Variants in MYH11 observed in about 807,000 individuals in gnomAD.
MYH11 encodes myosin heavy chain 11, also known as myosin-11.
A neutral mutation model predicts 246.6 loss-of-function variants in MYH11; 80 were observed. The observed-to-expected ratio is 0.32, with a 90% CI of 0.27 to 0.39. The LOEUF is 0.39. MYH11 is among the 10% of genes least tolerant of loss of function. MYH11 has a pLI of 1.00. For synonymous variants in MYH11, 1,071 were observed against 1,015.5 expected (o/e 1.05, Z -1.04); for missense variants, 2,158 against 2,546.8 (o/e 0.85, Z 3.29).
At chr16:15,773,219 G>A (rs979414104) in intron 8 of MYH11, among the ~76,000 whole-genome samples, 1 of 151,542 alleles carries the variant, frequency 6.6e-6, no homozygotes, top group Non-Finnish European at 1.5e-5. Flanking sequence ...AGTTTAGATA[G>A]TATCTAGTGA....
Position 15,759,685 on chromosome 16 carries a change from C to T in MYH11, c.1292G>A (p.Arg431His), listed in dbSNP as rs1452623732. ...GCGGGTGAGTATCCAGCGGAAAAGGCGCTCATATGTTGCCTTGGCCAAAGC... is the reference window on the plus strand; with the variant it reads ...GCGGGTGAGTATCCAGCGGAAAAGGTGCTCATATGTTGCCTTGGCCAAAGC... The part of the protein sequence containing the change: ...VEALAKATYE[R>H]LFRWILTRVN... The change falls in exon 12 of 41, where the codon CGC becomes CAC. Residue 431 changes from arginine to histidine, a missense_variant. By Grantham distance (29) the Arg-to-His change is conservative. Coordinates refer to ENST00000300036, the MANE Select transcript of MYH11 (RefSeq NM_002474.3). 6.2e-7 allele frequency: 1 copy of T among 1,614,062 alleles called. No homozygotes were observed. The highest frequency in any genetic ancestry group is 8.5e-7 in the Non-Finnish European group (1 of 1,180,050).
intron 27 of MYH11, among the ~76,000 whole-genome samples, chr16:15,727,483 G>C (rs904346768): frequency 6.6e-6 from 1 of 152,130 alleles, no homozygotes; most frequent in East Asian, 1.9e-4. Flanking sequence ...TTACAGGCGT[G>C]AGCTGCCGCA....
chr16:15,768,455 C>T (rs1282547717), intron 9 of MYH11, among the ~76,000 whole-genome samples: 1 of 152,102 alleles, frequency 6.6e-6, no homozygotes, highest in Admixed American at 6.5e-5. Flanking sequence ...CTGACCCACC[C>T]CCTTCTCCAT....
Position 15,756,475 on chromosome 16 carries a change from A to G in MYH11, c.1615T>C (p.Cys539Arg). 6.2e-7 allele frequency: 1 copy of G among 1,614,192 alleles called. No homozygotes were observed. Among genetic ancestry groups the G allele is most frequent in the Non-Finnish European group, 8.5e-7 (1 of 1,180,040 alleles). ...PGVLALLDEE[C>R]WFPKATDKSF... ...TTGTCCGTGGCTTTGGGGAACCAGCATTCCTCGTCCAGCAGGGCCAGCACA... is the reference window on the plus strand; with the variant it reads ...TTGTCCGTGGCTTTGGGGAACCAGCGTTCCTCGTCCAGCAGGGCCAGCACA... The change falls in exon 14 of 41, where the codon TGC becomes CGC. Residue 539 changes from cysteine (C) to arginine (R), a missense_variant. By Grantham distance (180) the Cys-to-Arg change is radical. Coordinates refer to ENST00000300036, the MANE Select transcript of MYH11 (RefSeq NM_002474.3).
rs764831521 is a variant in MYH11 at position 15,747,929 on chromosome 16, G to T, written c.2195C>A (p.Ala732Glu). ...GAAGCCTTTGGGGATGGCATTCGCCGCCAGGATCTCGTAGCTTGAAACACA... is the reference window on the plus strand; with the variant it reads ...GAAGCCTTTGGGGATGGCATTCGCCTCCAGGATCTCGTAGCTTGAAACACA... ...QEFRQRYEIL[A>E]ANAIPKGFMD... The change falls in exon 18 of 41, where the codon GCG becomes GAG. Residue 732 changes from alanine (A) to glutamate (E), a missense_variant. Physicochemically the swap from Ala to Glu is moderately radical, Grantham distance 107. Transcript: ENST00000300036. The T allele has an allele frequency of 7.4e-6, 12 of 1,614,074 alleles. No individual in the cohort carries two copies. Among genetic ancestry groups the T allele is most frequent in the Non-Finnish European group, 8.5e-6 (10 of 1,180,018 alleles).
intron 22 of MYH11, 132 bp downstream of exon 22, chr16:15,741,331 C>A: frequency 1.9e-6 from 2 of 1,045,218 alleles, no homozygotes; most frequent in Non-Finnish European, 2.9e-6. Flanking sequence ...GATCAGATGA[C>A]CAACCCTCTC....
intron 4 of MYH11, chr16:15,791,181 C>T (rs2042600653): frequency 6.6e-6 from 1 of 152,180 alleles, no homozygotes; most frequent in East Asian, 1.9e-4. Context: ...GCCTCGAACT[C>T]CTGACCTCAT....
At chr16:15,818,062 G>C (rs2043307167) in intron 3 of MYH11, among the ~76,000 whole-genome samples, 1 of 152,196 alleles carries the variant, frequency 6.6e-6, no homozygotes, top group African/African-American at 2.4e-5. Context: ...GGAGTTTATA[G>C]GTCCTCAGGA....
At position 15,793,024 on chromosome 16, in the gene MYH11, C is replaced by G. The variant is rs144762096; in HGVS notation, c.530+5636G>C. 7.8e-3 allele frequency among the ~76,000 whole-genome samples: 1,191 copies of G among 152,272 alleles called. 14 individuals carry two copies. Among genetic ancestry groups the G allele is most frequent in the Middle Eastern group, 0.048 (14 of 294 alleles). ...TGCTAGGATTACAGGCATGAGCCAC[C>G]ATGCCCAGCCTGTCATCCATTTTAG... On this transcript the variant is annotated intron_variant, in intron 4 of 40. Coordinates refer to ENST00000300036, the MANE Select transcript of MYH11 (RefSeq NM_002474.3).
intron 5 of MYH11, chr16:15,784,868 C>A (rs964415045): frequency 8.9e-6 from 7 of 789,806 alleles, no homozygotes; most frequent in African/African-American, 1.7e-5. Flanking sequence ...GATACTGTTT[C>A]TTTTCTCTCT....
At chr16:15,770,999 CT>C (rs199688463) in intron 9 of MYH11, among the ~76,000 whole-genome samples, 21,541 of 146,074 alleles carry the variant, frequency 0.15, 1,864 homozygotes, top group South Asian at 0.32. Context: ...AATTCCTGAA[CT>C]TTTTTTTTTT....
chr16:15,739,648 T>C (rs912804824), intron 23 of MYH11, among the ~76,000 whole-genome samples: 9 of 152,286 alleles, frequency 5.9e-5, no homozygotes, highest in Admixed American at 5.9e-4. Flanking sequence ...GTCCTGGTTT[T>C]CTAAGGGCTT....
chr16:15,706,712 AAAC>A (rs1419444215), intron 40 of MYH11, among the ~76,000 whole-genome samples: 5 of 152,110 alleles, frequency 3.3e-5, no homozygotes, highest in African/African-American at 9.7e-5. Flanking sequence ...CCAAAAAAAA[AAAC>A]AAAAAAAAAT....
At chr16:15,781,653 A>G (rs1277908988) in intron 6 of MYH11, among the ~76,000 whole-genome samples, 1 of 152,218 alleles carries the variant, frequency 6.6e-6, no homozygotes, top group Non-Finnish European at 1.5e-5. Flanking sequence ...TGTTGGGCTC[A>G]GGCAAAAACT....
At chr16:15,754,921 A>G (rs2151271112) in intron 14 of MYH11, among the ~76,000 whole-genome samples, 1 of 152,310 alleles carries the variant, frequency 6.6e-6, no homozygotes, top group Non-Finnish European at 1.5e-5. Context: ...GCTGACCTCA[A>G]GTAATCCACC....
intron 1 of MYH11, among the ~76,000 whole-genome samples, chr16:15,844,125 G>C (rs2044127329): frequency 6.6e-6 from 1 of 152,162 alleles, no homozygotes; most frequent in South Asian, 2.1e-4. Flanking sequence ...GGAGATGGGG[G>C]ATGAAGGTGA....
chr16:15,733,312 CA>C (rs1472980106), intron 26 of MYH11, among the ~76,000 whole-genome samples: 1 of 152,212 alleles, frequency 6.6e-6, no homozygotes, highest in Non-Finnish European at 1.5e-5. Flanking sequence ...TGGCCCCCTG[CA>C]ACCTCCACCT....
intron 2 of MYH11, among the ~76,000 whole-genome samples, chr16:15,825,224 C>A (rs1259256159): frequency 6.6e-6 from 1 of 151,868 alleles, no homozygotes; most frequent in South Asian, 2.1e-4. Flanking sequence ...AGGAACTGCT[C>A]ATGGGTATAA....
chr16:15,838,782 A>G (rs6498582), intron 1 of MYH11, among the ~76,000 whole-genome samples: 5,848 of 150,426 alleles, frequency 0.039, 384 homozygotes, highest in African/African-American at 0.13. Flanking sequence ...GCTCAAACCC[A>G]GGAGGCAGAG....
Sources: allele counts gnomAD v4.1 joint callset (sites outside exome capture counted in the v4.1 genomes callset), GRCh38; gene constraint gnomAD v4.1.1; transcripts MANE v1.5; gene names NCBI Gene and HGNC (gene_info 2026-07-23, HGNC 2026-07-21).